CCDC85A: variants seen among roughly 807,000 people sequenced by gnomAD.
CCDC85A encodes the protein coiled-coil domain-containing protein 85A.
In CCDC85A, 38 loss-of-function variants were observed where a neutral mutation model predicts 50.2. The ratio of observed to expected loss-of-function variants is 0.76; its 90% CI spans 0.58 to 0.99. The LOEUF is 0.99. CCDC85A is among the 50% of genes least tolerant of loss of function. The probability of loss-of-function intolerance (pLI) is 0.00; values close to 1 mark genes in which losing one functional copy is unlikely to be tolerated. For missense variants in CCDC85A, 820 were observed against 742.0 expected (o/e 1.11, Z -1.22); for synonymous variants, 366 against 301.4 (o/e 1.21, Z -2.22).
intron 3 of CCDC85A, 57 bp downstream of exon 3, chr2:56,343,012 A>T: frequency 8.3e-7 from 1 of 1,211,880 alleles, no homozygotes. Flanking sequence ...GTAGTATTTT[A>T]TTTGGAATTT....
rs763634368 is a variant in CCDC85A, at chr2:56,193,011, C to A, written c.811C>A (p.Pro271Thr). 6 of 1,613,568 alleles carry A rather than the reference C, an allele frequency of 3.7e-6. No individual in the cohort carries two copies. The East Asian group carries it at 1.3e-4, about 36-fold the overall frequency. The change falls in exon 2 of 6, where the codon CCC (proline) becomes ACC (threonine). Residue 271 changes from proline (P) to threonine (T), a missense_variant. Transcript: ENST00000407595. Reference sequence around the variant, plus strand: ...CAGAGCCTGTGGAACCCCAGATCGCCCCAAAGCACTCAAAGGACCTAGCCC... The same window carrying A: ...CAGAGCCTGTGGAACCCCAGATCGCACCAAAGCACTCAAAGGACCTAGCCC... ...KPRACGTPDR[P>T]KALKGPSPEH...
chr2:56,342,306 A>G (rs1382074635), intron 2 of CCDC85A, among the ~76,000 whole-genome samples: 2 of 152,106 alleles, frequency 1.3e-5, no homozygotes, highest in Admixed American at 6.5e-5. Flanking sequence ...TATTTGTTCC[A>G]TCTTAAGAGG....
At chr2:56,232,808 A>G (rs951037242) in intron 2 of CCDC85A, among the ~76,000 whole-genome samples, 6 of 152,100 alleles carry the variant, frequency 3.9e-5, no homozygotes, top group Non-Finnish European at 8.8e-5. Flanking sequence ...AGACATCACC[A>G]TTGTTCTTGC....
At chr2:56,289,043 C>T (rs1200804268) in intron 2 of CCDC85A, among the ~76,000 whole-genome samples, 1 of 152,126 alleles carries the variant, frequency 6.6e-6, no homozygotes, top group Non-Finnish European at 1.5e-5. Context: ...AGATAAGGAC[C>T]TGGAGTGCTG....
intron 2 of CCDC85A, among the ~76,000 whole-genome samples, chr2:56,258,406 G>T (rs1486927620): frequency 6.6e-6 from 1 of 152,160 alleles, no homozygotes; most frequent in African/African-American, 2.4e-5. Flanking sequence ...GTTTTTCCAT[G>T]TCAGCAGATA....
At chr2:56,309,005 CA>C (rs916492177) in intron 2 of CCDC85A, among the ~76,000 whole-genome samples, 7 of 152,124 alleles carry the variant, frequency 4.6e-5, no homozygotes, top group Admixed American at 2.6e-4. Context: ...CCTCAGCTTT[CA>C]AAATTCTCCA....
chr2:56,212,876 C>A (rs1573032909), intron 2 of CCDC85A, among the ~76,000 whole-genome samples: 1 of 151,912 alleles, frequency 6.6e-6, no homozygotes, highest in Non-Finnish European at 1.5e-5. Context: ...CAAAGCCTCA[C>A]CTTATTTATA....
intron 2 of CCDC85A, among the ~76,000 whole-genome samples, chr2:56,241,778 T>C (rs1669268320): frequency 6.6e-6 from 1 of 152,212 alleles, no homozygotes; most frequent in African/African-American, 2.4e-5. Flanking sequence ...TGAATAGTAC[T>C]GCATTAAACA....
Position 56,184,088 on chromosome 2 carries a change from G to A in CCDC85A, c.-537G>A, listed in dbSNP as rs1318400561. ...GCAGGAGGAGCGCAGCAGCCTTCGG[G>A]CAGCCGCGGCGGCGTCGCTAGAGCA... On this transcript the variant is annotated 5_prime_UTR_variant, in exon 1 of 6. Transcript: ENST00000407595. 2.0e-6 allele frequency: 2 copies of A among 985,252 alleles called. No homozygotes were observed. Among genetic ancestry groups the A allele is most frequent in the South Asian group, 4.7e-5 (1 of 21,280 alleles). 61.0% of individuals were successfully genotyped at this position (985,252 alleles called of 1,614,324 possible).
intron 2 of CCDC85A, among the ~76,000 whole-genome samples, chr2:56,276,557 C>T (rs988479570): frequency 6.6e-6 from 1 of 152,116 alleles, no homozygotes; most frequent in African/African-American, 2.4e-5. Context: ...ACCCATTTAG[C>T]TTGGCTCTCA....
At chr2:56,312,183 A>G (rs1411892302) in intron 2 of CCDC85A, among the ~76,000 whole-genome samples, 2 of 152,150 alleles carry the variant, frequency 1.3e-5, no homozygotes. Context: ...GACTGTCACT[A>G]TGATTAATTA....
intron 2 of CCDC85A, among the ~76,000 whole-genome samples, chr2:56,201,728 A>G (rs1262819483): frequency 2.0e-5 from 3 of 152,210 alleles, no homozygotes; most frequent in Admixed American, 1.3e-4. Context: ...TGATGCATAT[A>G]GTTTTTAATT....
chr2:56,326,956 A>C (rs955568051), intron 2 of CCDC85A, among the ~76,000 whole-genome samples: 1 of 152,134 alleles, frequency 6.6e-6, no homozygotes, highest in African/African-American at 2.4e-5. Flanking sequence ...AAGTGTAAAC[A>C]AGCCTCAGCT....
chr2:56,214,385 T>C (rs1431337253), intron 2 of CCDC85A, among the ~76,000 whole-genome samples: 1 of 151,972 alleles, frequency 6.6e-6, no homozygotes, highest in African/African-American at 2.4e-5. Flanking sequence ...CTTTGAGTTA[T>C]CAGGATTTTC....
chr2:56,354,964 T>C (rs1675147424), intron 3 of CCDC85A, among the ~76,000 whole-genome samples: 1 of 152,168 alleles, frequency 6.6e-6, no homozygotes, highest in African/African-American at 2.4e-5. Flanking sequence ...CAAATTGGGA[T>C]CACAGAAATG....
At position 56,254,365 on chromosome 2, in the gene CCDC85A, G is replaced by C. The variant is rs986392975; in HGVS notation, c.1240+60925G>C. 3.9e-5 allele frequency among the ~76,000 whole-genome samples: 6 copies of C among 152,034 alleles called. No homozygotes were observed. The East Asian group carries it at 1.2e-3, about 29-fold the overall frequency. On this transcript the variant is annotated intron_variant, in intron 2 of 5. Coordinates refer to ENST00000407595, the MANE Select transcript of CCDC85A (RefSeq NM_001080433.2). ...GTGGTGGTGGTAGCAGTGGTATCAA[G>C]GATAAAAATGTGGACCCCATCCTGA...
chr2:56,201,302 C>T (rs1676738771), intron 2 of CCDC85A, among the ~76,000 whole-genome samples: 1 of 151,958 alleles, frequency 6.6e-6, no homozygotes, highest in African/African-American at 2.4e-5. Context: ...TTTTTAGCAC[C>T]AGTTTTGCCT....
intron 2 of CCDC85A, among the ~76,000 whole-genome samples, chr2:56,270,931 C>T (rs562808058): frequency 6.6e-6 from 1 of 152,292 alleles, no homozygotes; most frequent in South Asian, 2.1e-4. Flanking sequence ...CTGTTTCATG[C>T]ATTGTGTTAG....
In CCDC85A at chr2:56,303,870, C is replaced by G. The variant is rs1393815404; in HGVS notation, c.1241-39009C>G. Among the ~76,000 whole-genome samples the G allele has an allele frequency of 3.9e-5, 6 of 152,080 alleles. No homozygotes were observed. The East Asian group carries it at 1.2e-3, about 29-fold the overall frequency. ...ATATGTTGGTTGATGTGAGTGTCTC[C>G]TAATGGAGATTGGTTAGGAGCTAAC... On this transcript the variant is annotated intron_variant, in intron 2 of 5. Coordinates refer to ENST00000407595, the MANE Select transcript of CCDC85A (RefSeq NM_001080433.2).
Sources: allele counts gnomAD v4.1 joint callset (sites outside exome capture counted in the v4.1 genomes callset), GRCh38; gene constraint gnomAD v4.1.1; transcripts MANE v1.5; gene names NCBI Gene and HGNC (gene_info 2026-07-23, HGNC 2026-07-21).